The following RNLS variants were observed in gnomAD, a reference collection of about 807,000 sequenced individuals.
The protein encoded by RNLS is renalase.
A neutral mutation model predicts 39.8 loss-of-function variants in RNLS; 39 were observed. The observed-to-expected ratio is 0.98, with a 90% CI of 0.76 to 1.28. The LOEUF (loss-of-function observed/expected upper bound fraction) is 1.28, where lower values mean the gene tolerates loss of function less well. Among genes scored for constraint, RNLS ranks in the 50% most tolerant of loss-of-function variants. The pLI, the probability that RNLS is intolerant of heterozygous loss-of-function variation, is 0.00. For synonymous variants in RNLS, 147 were observed against 150.7 expected (o/e 0.98, Z 0.18); for missense variants, 410 against 413.3 (o/e 0.99, Z 0.07).
chr10:88,406,427 C>CT (rs1853277162), intron 4 of RNLS, among the ~76,000 whole-genome samples: 1 of 151,998 alleles, frequency 6.6e-6, no homozygotes. Flanking sequence ...TTTTCTTATT[C>CT]TTTTTTCTTT....
the RNLS span, among the ~76,000 whole-genome samples, chr10:88,187,987 G>C: frequency 6.6e-6 from 1 of 152,084 alleles, no homozygotes; most frequent in Non-Finnish European, 1.5e-5. Context: ...CTGCAATATT[G>C]GTCCTGAAAT....
intron 6 of RNLS, among the ~76,000 whole-genome samples, chr10:88,290,265 C>T (rs1843578018): frequency 6.6e-6 from 1 of 152,172 alleles, no homozygotes; most frequent in Non-Finnish European, 1.5e-5. Flanking sequence ...TATAGAGTGG[C>T]TTTATTTTAG....
chr10:88,482,783 C>A (rs889602652), intron 4 of RNLS, among the ~76,000 whole-genome samples: 1 of 152,080 alleles, frequency 6.6e-6, no homozygotes, highest in Non-Finnish European at 1.5e-5. Flanking sequence ...TGGAGTACAA[C>A]CTTTTCCCTG....
intron 5 of RNLS, among the ~76,000 whole-genome samples, chr10:88,348,097 CCT>C (rs897025797): frequency 6.6e-6 from 1 of 152,022 alleles, no homozygotes; most frequent in African/African-American, 2.4e-5. Flanking sequence ...GCTGGTTTTC[CCT>C]CTGTCTTTAC....
chr10:88,337,902 C>T (rs1847631048), intron 5 of RNLS, among the ~76,000 whole-genome samples: 1 of 151,948 alleles, frequency 6.6e-6, no homozygotes, highest in Non-Finnish European at 1.5e-5. Flanking sequence ...TTTTCTTTTC[C>T]CTCTCCTTCT....
In RNLS at chr10:88,460,957, G is replaced by A. The variant is rs200231927; in HGVS notation, c.527-98232C>T. On this transcript the variant is annotated intron_variant, in intron 4 of 6. Transcript: ENST00000331772. The stretch of plus-strand genomic sequence containing the variant: ...CTGTCTATACTGGGCCTGAGTACAG[G>A]ACATGTAAGTGGGTACAGATCAAAG... Among the ~76,000 whole-genome samples the A allele has an allele frequency of 1.2e-4, 18 of 152,216 alleles. No homozygotes were observed. In the East Asian group the frequency reaches 3.5e-3, roughly 29 times the overall value.
chr10:88,333,156 A>G lies in RNLS; in HGVS notation c.701-18515T>C, dbSNP rs115398175. On this transcript the variant is annotated intron_variant, in intron 5 of 6. Transcript: ENST00000331772. ...CAACAACAAAATTCTTTGGACGAATATATTTTTGAAATGCCTGGCTTAAAT... is the reference window on the plus strand; with the variant it reads ...CAACAACAAAATTCTTTGGACGAATGTATTTTTGAAATGCCTGGCTTAAAT... Among the ~76,000 whole-genome samples, 465 of 152,310 alleles carry G rather than the reference A, an allele frequency of 3.1e-3. 4 individuals are homozygous for G. Among genetic ancestry groups the G allele is most frequent in the African/African-American group, 9.6e-3 (400 of 41,574 alleles).
intron 4 of RNLS, among the ~76,000 whole-genome samples, chr10:88,439,389 T>G (rs2133842148): frequency 6.6e-6 from 1 of 152,272 alleles, no homozygotes; most frequent in East Asian, 1.9e-4. Context: ...TGTCTTCCTG[T>G]TTTCCTCAGA....
chr10:88,226,738 CTTTTTTTTTT>C, the RNLS span, among the ~76,000 whole-genome samples: 48 of 69,470 alleles, frequency 6.9e-4, no homozygotes, highest in African/African-American at 2.2e-3. Context: ...TCTCCCTTCA[CTTTTTTTTTT>C]TTTTTTTTTT....
At chr10:88,249,630 C>G in the RNLS span, among the ~76,000 whole-genome samples, 3 of 152,280 alleles carry the variant, frequency 2.0e-5, no homozygotes, top group South Asian at 6.2e-4. Flanking sequence ...GCTGGGATGA[C>G]TCAAAGACTA....
chr10:88,457,392 G>C (rs1842690843), intron 4 of RNLS, among the ~76,000 whole-genome samples: 1 of 152,202 alleles, frequency 6.6e-6, no homozygotes, highest in African/African-American at 2.4e-5. Context: ...ACCTCAGTGA[G>C]AAAAATATCA....
chr10:88,381,053 T>C (rs1564750370), intron 4 of RNLS, among the ~76,000 whole-genome samples: 2 of 152,254 alleles, frequency 1.3e-5, no homozygotes, highest in Non-Finnish European at 2.9e-5. Context: ...CTTTTTGATA[T>C]GTTCTGATAT....
At chr10:88,445,297 C>T (rs1035759193) in intron 4 of RNLS, among the ~76,000 whole-genome samples, 2 of 152,268 alleles carry the variant, frequency 1.3e-5, no homozygotes, top group African/African-American at 4.8e-5. Context: ...CAGGCCTGCC[C>T]TACAAGAGCT....
At chr10:88,532,193 C>T (rs892804443) in intron 4 of RNLS, among the ~76,000 whole-genome samples, 5 of 152,078 alleles carry the variant, frequency 3.3e-5, no homozygotes, top group Admixed American at 2.0e-4. Flanking sequence ...TGTATCTTTA[C>T]ATTTTACATA....
intron 6 of RNLS, among the ~76,000 whole-genome samples, chr10:88,301,091 A>G (rs1479760749): frequency 6.6e-6 from 1 of 152,222 alleles, no homozygotes; most frequent in African/African-American, 2.4e-5. Context: ...GTTATTCTGA[A>G]TAAGTGTGAT....
the RNLS span, among the ~76,000 whole-genome samples, chr10:88,197,767 G>A: frequency 7.7e-4 from 117 of 152,220 alleles, no homozygotes; most frequent in African/African-American, 2.5e-3. Context: ...ATTAAAGGAC[G>A]AGGAGATAGG....
At chr10:88,533,458 T>G (rs1436209287) in intron 4 of RNLS, among the ~76,000 whole-genome samples, 1 of 152,164 alleles carries the variant, frequency 6.6e-6, no homozygotes, top group East Asian at 1.9e-4. Context: ...ATACTTTGAT[T>G]TGACCTTAAA....
chr10:88,226,786 A>T, the RNLS span, among the ~76,000 whole-genome samples: 1 of 139,160 alleles, frequency 7.2e-6, no homozygotes. Flanking sequence ...GGAGGAATCT[A>T]AAAACTTAAG....
chr10:88,428,374 A>T (rs1177105674), intron 4 of RNLS, among the ~76,000 whole-genome samples: 1 of 151,620 alleles, frequency 6.6e-6, no homozygotes, highest in African/African-American at 2.4e-5. Context: ...ACCTTTCTCA[A>T]ATTTGTCTTT....
Sources: gnomAD v4.1 joint callset for allele counts (sites outside exome capture counted in the v4.1 genomes callset) on GRCh38, gnomAD v4.1.1 for gene constraint, MANE v1.5 for transcripts, NCBI Gene and HGNC (gene_info 2026-07-23, HGNC 2026-07-21) for gene names.